GPC5: variants seen among roughly 807,000 people sequenced by gnomAD.
GPC5 encodes glypican 5.
Under a neutral mutation model 53.9 loss-of-function variants are expected in GPC5, and 47 were observed. That is an observed-to-expected ratio of 0.87 (90% confidence interval 0.69 to 1.11). GPC5 has a LOEUF of 1.11. Among genes scored for constraint, GPC5 ranks in the 50% most tolerant of loss-of-function variants. GPC5 has a pLI of 0.00. For missense variants in GPC5, 748 were observed against 713.1 expected (o/e 1.05, Z -0.56); for synonymous variants, 286 against 263.3 (o/e 1.09, Z -0.84).
intron 7 of GPC5, chr13:92,447,513 T>A (rs1311855715): frequency 6.6e-6 from 1 of 151,914 alleles, no homozygotes; most frequent in African/African-American, 2.4e-5. Flanking sequence ...GGAATTAGGA[T>A]GGCTTAAAAA....
chr13:92,584,651 A>G (rs1883477956), intron 7 of GPC5, among the ~76,000 whole-genome samples: 1 of 152,176 alleles, frequency 6.6e-6, no homozygotes, highest in Non-Finnish European at 1.5e-5. Flanking sequence ...GCGAATGTTA[A>G]TCCCCAAGAC....
chr13:92,021,002 G>A (rs983293165), intron 6 of GPC5, among the ~76,000 whole-genome samples: 7 of 151,984 alleles, frequency 4.6e-5, no homozygotes, highest in African/African-American at 1.2e-4. Flanking sequence ...TTTTGTGTAC[G>A]CCATAAAATA....
At chr13:92,808,773 C>A (rs1054329332) in intron 7 of GPC5, among the ~76,000 whole-genome samples, 1 of 151,932 alleles carries the variant, frequency 6.6e-6, no homozygotes, top group Non-Finnish European at 1.5e-5. Flanking sequence ...AAAATTTTGA[C>A]ACTTTATTTT....
chr13:92,131,021 AT>A (rs1349973287), intron 6 of GPC5, among the ~76,000 whole-genome samples: 2 of 152,034 alleles, frequency 1.3e-5, no homozygotes, highest in Non-Finnish European at 2.9e-5. Context: ...CAGAAAATCT[AT>A]TTTTTAATGG....
At chr13:92,418,428 T>C (rs1876413300) in intron 7 of GPC5, among the ~76,000 whole-genome samples, 1 of 152,138 alleles carries the variant, frequency 6.6e-6, no homozygotes, top group Admixed American at 6.6e-5. Flanking sequence ...AAAGGTAGTT[T>C]AGGGAAAAAG....
At chr13:91,886,384 AT>A (rs1216524300) in intron 5 of GPC5, among the ~76,000 whole-genome samples, 2 of 152,136 alleles carry the variant, frequency 1.3e-5, no homozygotes, top group East Asian at 3.9e-4. Context: ...TCAAGATGAG[AT>A]TTGGGTAGGA....
At chr13:92,069,408 ATGTGTGTGTGTG>A (rs67467167) in intron 6 of GPC5, among the ~76,000 whole-genome samples, 20 of 143,206 alleles carry the variant, frequency 1.4e-4, no homozygotes, top group African/African-American at 4.3e-4. Context: ...GTGTGCGTGC[ATGTGTGTGTGTG>A]TGTGTGTGTG....
intron 7 of GPC5, among the ~76,000 whole-genome samples, chr13:92,335,542 G>A (rs373929797): frequency 6.6e-6 from 1 of 152,122 alleles, no homozygotes; most frequent in African/African-American, 2.4e-5. Flanking sequence ...TCTGCAGCTC[G>A]CTTGAATTTC....
chr13:92,553,142 C>A (rs756354797), intron 7 of GPC5, among the ~76,000 whole-genome samples: 5 of 151,942 alleles, frequency 3.3e-5, no homozygotes, highest in Non-Finnish European at 7.4e-5. Flanking sequence ...CTATTTGTTT[C>A]TGCATTTCTT....
At chr13:92,019,330 A>G (rs1276436421) in intron 6 of GPC5, among the ~76,000 whole-genome samples, 1 of 152,056 alleles carries the variant, frequency 6.6e-6, no homozygotes, top group East Asian at 1.9e-4. Context: ...AGTTCCAGAA[A>G]TATTGGTCTT....
chr13:92,180,039 T>C (rs550906550), intron 7 of GPC5, among the ~76,000 whole-genome samples: 24 of 152,204 alleles, frequency 1.6e-4, no homozygotes, highest in Non-Finnish European at 3.2e-4. Context: ...AATCTCTCAG[T>C]TGTGGTGGAA....
In GPC5 at chr13:92,666,505, C is replaced by A. The variant is rs369055885; in HGVS notation, c.1562-199777C>A. Reference sequence around the variant, plus strand: ...AAAAATGCTATCAATAATAAAAATGCTAATTATACATAATCAATATGTTTA... The same window carrying A: ...AAAAATGCTATCAATAATAAAAATGATAATTATACATAATCAATATGTTTA... On this transcript the variant is annotated intron_variant, in intron 7 of 7. Coordinates refer to ENST00000377067, the MANE Select transcript of GPC5 (RefSeq NM_004466.6). Among the ~76,000 whole-genome samples the A allele has an allele frequency of 3.5e-5, 5 of 141,494 alleles. No individual in the cohort carries two copies. In the East Asian group the frequency reaches 7.8e-4, roughly 22 times the overall value. 92.8% of individuals were successfully genotyped at this position (141,494 alleles called of 152,430 possible).
At chr13:91,575,788 C>T (rs527340869) in intron 2 of GPC5, among the ~76,000 whole-genome samples, 2 of 152,108 alleles carry the variant, frequency 1.3e-5, no homozygotes, top group Admixed American at 6.6e-5. Context: ...TTAAGTAAAG[C>T]GGCTATTTTC....
At chr13:91,920,922 C>CT (rs2039705618) in intron 6 of GPC5, among the ~76,000 whole-genome samples, 4 of 61,480 alleles carry the variant, frequency 6.5e-5, no homozygotes, top group African/African-American at 2.7e-4. Flanking sequence ...CTCTCTCTCT[C>CT]TCTCTTTTTT....
chr13:91,641,901 C>CT (rs752344014), intron 2 of GPC5, among the ~76,000 whole-genome samples: 2 of 152,144 alleles, frequency 1.3e-5, no homozygotes, highest in Non-Finnish European at 2.9e-5. Context: ...ATAATGAAGA[C>CT]TGAACTAAGG....
At chr13:91,724,881 A>T (rs1363723286) in intron 3 of GPC5, among the ~76,000 whole-genome samples, 3 of 152,158 alleles carry the variant, frequency 2.0e-5, no homozygotes, top group African/African-American at 4.8e-5. Context: ...GAAAACAAAA[A>T]CAAAAAGAAA....
intron 2 of GPC5, among the ~76,000 whole-genome samples, chr13:91,619,081 AGGAG>A (rs1391802455): frequency 6.6e-6 from 1 of 152,066 alleles, no homozygotes; most frequent in African/African-American, 2.4e-5. Flanking sequence ...TATTAGAAAG[AGGAG>A]AGAATTAACT....
chr13:92,777,168 C>G (rs1300023891), intron 7 of GPC5, among the ~76,000 whole-genome samples: 1 of 148,560 alleles, frequency 6.7e-6, no homozygotes, highest in Non-Finnish European at 1.5e-5. Context: ...AACCTCGTCT[C>G]TACTAAAAAT....
At chr13:91,739,767 T>C (rs2140061911) in intron 4 of GPC5, among the ~76,000 whole-genome samples, 1 of 151,548 alleles carries the variant, frequency 6.6e-6, no homozygotes, top group South Asian at 2.1e-4. Context: ...TCACATACTA[T>C]TGTTTTTGCA....
Sources: gnomAD v4.1 joint callset for allele counts (sites outside exome capture counted in the v4.1 genomes callset) on GRCh38, gnomAD v4.1.1 for gene constraint, MANE v1.5 for transcripts, NCBI Gene and HGNC (gene_info 2026-07-23, HGNC 2026-07-21) for gene names.